Variants in L3MBTL4 observed in about 807,000 individuals in gnomAD.
L3MBTL4 encodes the protein lethal(3)malignant brain tumor-like protein 4.
Under a neutral mutation model 84.5 loss-of-function variants are expected in L3MBTL4, and 70 were observed. The observed-to-expected ratio is 0.83, with a 90% CI of 0.68 to 1.01. The LOEUF (loss-of-function observed/expected upper bound fraction) is 1.01, where lower values mean the gene tolerates loss of function less well. Among genes scored for constraint, L3MBTL4 ranks in the 50% least tolerant of loss-of-function variants. The pLI, the probability that L3MBTL4 is intolerant of heterozygous loss-of-function variation, is 0.00. For synonymous variants in L3MBTL4, 274 were observed against 259.8 expected, an observed-to-expected ratio of 1.05 and a Z score of -0.52; for missense variants, 715 against 754.8, an observed-to-expected ratio of 0.95 and a Z score of 0.62.
intron 15 of L3MBTL4, among the ~76,000 whole-genome samples, chr18:6,092,451 C>T (rs960030786): frequency 6.6e-6 from 1 of 152,194 alleles, no homozygotes; most frequent in Non-Finnish European, 1.5e-5. Context: ...TATTTTACAC[C>T]TGCTGAATGC....
intron 1 of L3MBTL4, among the ~76,000 whole-genome samples, chr18:6,376,922 G>A (rs907981682): frequency 6.6e-6 from 1 of 152,150 alleles, no homozygotes; most frequent in African/African-American, 2.4e-5. Context: ...TGAAATCATT[G>A]TGTATTTACA....
chr18:6,094,915 C>A (rs183986151), intron 14 of L3MBTL4, among the ~76,000 whole-genome samples: 2 of 152,162 alleles, frequency 1.3e-5, no homozygotes, highest in African/African-American at 4.8e-5. Context: ...GAGAGAAGGG[C>A]GCCTTTACAT....
At chr18:6,165,914 G>C (rs1306512727) in intron 13 of L3MBTL4, among the ~76,000 whole-genome samples, 1 of 152,040 alleles carries the variant, frequency 6.6e-6, no homozygotes, top group East Asian at 1.9e-4. Context: ...AGACCCATCA[G>C]TGTGCTGTAT....
chr18:6,333,656 C>A (rs1171270684), intron 1 of L3MBTL4, among the ~76,000 whole-genome samples: 3 of 151,536 alleles, frequency 2.0e-5, no homozygotes, highest in Non-Finnish European at 2.9e-5. Flanking sequence ...AAGAGATGTA[C>A]ACGTATGTGT....
intron 1 of L3MBTL4, among the ~76,000 whole-genome samples, chr18:6,327,848 T>G (rs1293889389): frequency 6.6e-6 from 1 of 152,270 alleles, no homozygotes; most frequent in Non-Finnish European, 1.5e-5. Context: ...AGGAGGAATT[T>G]TATACGTTCT....
At chr18:6,322,279 A>G (rs1467434362) in intron 1 of L3MBTL4, among the ~76,000 whole-genome samples, 1 of 151,976 alleles carries the variant, frequency 6.6e-6, no homozygotes, top group Non-Finnish European at 1.5e-5. Context: ...TCAAGACTTC[A>G]GTGAGCCAGG....
intron 16 of L3MBTL4, chr18:6,029,882 T>A (rs1443998945): frequency 1.0e-6 from 1 of 984,672 alleles, no homozygotes; most frequent in African/African-American, 1.7e-5. Flanking sequence ...GAATCTATCC[T>A]GTAGATTCTC....
chr18:6,222,890 A>G (rs1212578520), intron 10 of L3MBTL4, among the ~76,000 whole-genome samples: 1 of 150,826 alleles, frequency 6.6e-6, no homozygotes, highest in Non-Finnish European at 1.5e-5. Flanking sequence ...GGCTAAAAAA[A>G]AGTTAATGGC....
intron 16 of L3MBTL4, among the ~76,000 whole-genome samples, chr18:6,042,936 G>A (rs911926224): frequency 2.6e-5 from 4 of 152,100 alleles, no homozygotes; most frequent in South Asian, 4.1e-4. Context: ...ACATTAAGAC[G>A]TAACTCAATA....
chr18:5,970,757 A>G (rs2052599942), intron 16 of L3MBTL4, among the ~76,000 whole-genome samples: 1 of 152,238 alleles, frequency 6.6e-6, no homozygotes, highest in Non-Finnish European at 1.5e-5. Context: ...ACAGAATCTG[A>G]AAAACCATTA....
chr18:6,072,870 A>AAAAAAAAAAAAAAAT, intron 16 of L3MBTL4, among the ~76,000 whole-genome samples: 1 of 33,068 alleles, frequency 3.0e-5, no homozygotes, highest in South Asian at 1.5e-3. Context: ...CGTCTCAAAA[A>AAAAAAAAAAAAAAAT]AAAAAAAAAA....
chr18:5,992,096 A>C (rs1222447627), intron 16 of L3MBTL4, among the ~76,000 whole-genome samples: 2 of 152,050 alleles, frequency 1.3e-5, no homozygotes, highest in Non-Finnish European at 2.9e-5. Flanking sequence ...ACCCTCATGA[A>C]CTCATGGTCC....
chr18:6,127,412 A>G (rs1457474651), intron 14 of L3MBTL4, among the ~76,000 whole-genome samples: 1 of 152,240 alleles, frequency 6.6e-6, no homozygotes, highest in African/African-American at 2.4e-5. Flanking sequence ...CCAGTTCTAC[A>G]TGATGAACAT....
At chr18:6,322,004 AT>A (rs1472387625) in intron 1 of L3MBTL4, among the ~76,000 whole-genome samples, 2 of 152,160 alleles carry the variant, frequency 1.3e-5, no homozygotes, top group Non-Finnish European at 2.9e-5. Context: ...CCACTATACA[AT>A]TTATCCAGGT....
chr18:6,243,694 G>A (rs1283218623), intron 6 of L3MBTL4, among the ~76,000 whole-genome samples: 1 of 152,168 alleles, frequency 6.6e-6, no homozygotes, highest in South Asian at 2.1e-4. Flanking sequence ...GTCAGTTTAT[G>A]TATTCATTAA....
chr18:6,263,995 G>A lies in L3MBTL4; in HGVS notation c.171C>T (p.Tyr57=), dbSNP rs757385093. The A allele has an allele frequency of 1.2e-6, 2 of 1,613,968 alleles. No individual in the cohort carries two copies. The highest frequency in any genetic ancestry group is 1.7e-6 in the Non-Finnish European group (2 of 1,179,914). Residue 57 remains tyrosine, a synonymous_variant, in exon 5 of 19, where the codon TAC becomes TAT. Coordinates refer to ENST00000317931, the MANE Select transcript of L3MBTL4 (RefSeq NM_001330559.2). ...AAQGAWSWEW[Y]LKEQKAVAAP... ...CTGCGACAGCCTTCTGTTCTTTCAA[G>A]TACCACTCCCAAGACCATGCTCCCT...
chr18:6,116,332 G>A (rs1388182143), intron 14 of L3MBTL4, among the ~76,000 whole-genome samples: 4 of 150,508 alleles, frequency 2.7e-5, no homozygotes, highest in Non-Finnish European at 4.4e-5. Context: ...TCTAGGATGC[G>A]TTACATTGTT....
intron 17 of L3MBTL4, among the ~76,000 whole-genome samples, chr18:5,968,562 T>C (rs754219813): frequency 1.3e-5 from 2 of 152,044 alleles, no homozygotes; most frequent in Non-Finnish European, 2.9e-5. Flanking sequence ...CTAGGTGTGG[T>C]GGCACATGCC....
chr18:6,037,076 C>T (rs1288283265), intron 16 of L3MBTL4, among the ~76,000 whole-genome samples: 1 of 152,194 alleles, frequency 6.6e-6, no homozygotes, highest in Admixed American at 6.5e-5. Flanking sequence ...GATGTGACAA[C>T]AATGCTCACC....
Sources: allele counts gnomAD v4.1 joint callset (sites outside exome capture counted in the v4.1 genomes callset), GRCh38; gene constraint gnomAD v4.1.1; transcripts MANE v1.5; gene names NCBI Gene and HGNC (gene_info 2026-07-23, HGNC 2026-07-21).